Variants in DPM1 observed in about 807,000 individuals in gnomAD.
DPM1 encodes the protein dolichol-phosphate mannosyltransferase subunit 1.
A neutral mutation model predicts 39.0 loss-of-function variants in DPM1; 27 were observed. The observed-to-expected ratio is 0.69, with a 90% CI of 0.51 to 0.95. The LOEUF (loss-of-function observed/expected upper bound fraction) is 0.95. DPM1 is among the 40% of genes least tolerant of loss of function. The probability of loss-of-function intolerance (pLI) is 0.00; values close to 1 mark genes in which losing one functional copy is unlikely to be tolerated. For missense variants in DPM1, 307 were observed against 315.6 expected (o/e 0.97, Z 0.21); for synonymous variants, 124 against 109.0 (o/e 1.14, Z -0.86).
chr20:50,946,541 C>T (rs1351000737), intron 3 of DPM1, among the ~76,000 whole-genome samples: 2 of 152,202 alleles, frequency 1.3e-5, no homozygotes, highest in Admixed American at 6.5e-5. Context: ...ATTTCAATTC[C>T]CTTTTTCTTG....
At chr20:50,944,621 T>C (rs998135909) in intron 5 of DPM1, 8 of 152,234 alleles carry the variant, frequency 5.3e-5, no homozygotes, top group African/African-American at 1.9e-4. Flanking sequence ...CTTGGATTTT[T>C]CCCTAGATGT....
intron 5 of DPM1, among the ~76,000 whole-genome samples, chr20:50,943,679 G>A (rs1986061288): frequency 6.7e-6 from 1 of 148,732 alleles, no homozygotes; most frequent in African/African-American, 2.5e-5. Context: ...TTTTATAAAT[G>A]TATTACTGCT....
At chr20:50,956,429 C>A (rs867286531) in intron 1 of DPM1, among the ~76,000 whole-genome samples, 19 of 151,924 alleles carry the variant, frequency 1.3e-4, no homozygotes, top group Middle Eastern at 3.4e-3. Flanking sequence ...CAGTGAAACC[C>A]CGTCTCTACT....
chr20:50,940,486 G>C (rs193256079), intron 7 of DPM1, among the ~76,000 whole-genome samples: 314 of 152,308 alleles, frequency 2.1e-3, no homozygotes, highest in Non-Finnish European at 2.1e-3. Context: ...GTAACTGAGA[G>C]AGCTCTATAT....
chr20:50,955,045 G>C lies in DPM1; in HGVS notation c.261+141C>G, dbSNP rs1352961312. Reference sequence around the variant, plus strand: ...GTAAAATTTTACGGACAACAAAAATGCATTTAAATCCCAAATGCGTAAGTT... The same window carrying C: ...GTAAAATTTTACGGACAACAAAAATCCATTTAAATCCCAAATGCGTAAGTT... On this transcript the variant is annotated intron_variant, in intron 2 of 8. Coordinates refer to ENST00000371588, the MANE Select transcript of DPM1 (RefSeq NM_003859.3). 16 of 706,718 alleles carry C rather than the reference G, an allele frequency of 2.3e-5. No homozygotes were observed. The Admixed American group carries it at 4.1e-4, about 18-fold the overall frequency. 43.8% of individuals were successfully genotyped at this position (706,718 alleles called of 1,614,324 possible).
chr20:50,953,614 C>CT (rs890848496), intron 2 of DPM1, among the ~76,000 whole-genome samples: 1 of 152,046 alleles, frequency 6.6e-6, no homozygotes, highest in African/African-American at 2.4e-5. Flanking sequence ...GTGAATGCAA[C>CT]TTTTTTTCTC....
intron 1 of DPM1, among the ~76,000 whole-genome samples, chr20:50,957,540 A>C (rs1986892911): frequency 6.6e-6 from 1 of 152,230 alleles, no homozygotes. Flanking sequence ...TCATCGACAA[A>C]GCAAAAGCCA....
chr20:50,940,766 T>A lies in DPM1; in HGVS notation c.563+99A>T. The A allele has an allele frequency of 2.8e-6, 3 of 1,057,324 alleles. No individual in the cohort carries two copies. In the Admixed American group the frequency reaches 5.6e-5, roughly 20 times the overall value. The allele number at this position is 1,057,324 out of a possible 1,614,324, so 65.5% of individuals were successfully genotyped here. On this transcript the variant is annotated intron_variant, in intron 7 of 8. Transcript: ENST00000371588. Reference sequence around the variant, plus strand: ...AGTCTGCCTTTTTAGTATCCCAGAATAAAAACAAGGTAGAAATGTAAAGTG... The same window carrying A: ...AGTCTGCCTTTTTAGTATCCCAGAAAAAAAACAAGGTAGAAATGTAAAGTG...
At chr20:50,943,740 ATTTT>A (rs141377879) in intron 5 of DPM1, among the ~76,000 whole-genome samples, 2 of 125,872 alleles carry the variant, frequency 1.6e-5, no homozygotes, top group Admixed American at 8.1e-5. Context: ...AAGCCTGAGT[ATTTT>A]TTTTTTTTTT....
chr20:50,937,818 GTTATTATTATTA>G (rs145740815), intron 7 of DPM1, among the ~76,000 whole-genome samples: 2 of 151,714 alleles, frequency 1.3e-5, no homozygotes, highest in African/African-American at 4.8e-5. Context: ...AACTTTTAAA[GTTATTATTATTA>G]TTATTATTTT....
intron 3 of DPM1, among the ~76,000 whole-genome samples, chr20:50,946,791 G>C (rs1404715848): frequency 6.6e-6 from 1 of 152,234 alleles, no homozygotes; most frequent in Admixed American, 6.5e-5. Context: ...GTGAATATCG[G>C]CTGGGTGTGG....
At chr20:50,947,192 G>C (rs1354363797) in intron 3 of DPM1, among the ~76,000 whole-genome samples, 1 of 151,664 alleles carries the variant, frequency 6.6e-6, no homozygotes, top group South Asian at 2.1e-4. Flanking sequence ...TGGGCAAGAA[G>C]AGCGAAACTC....
chr20:50,955,714 C>T (rs1243944910), intron 1 of DPM1, among the ~76,000 whole-genome samples: 1 of 152,202 alleles, frequency 6.6e-6, no homozygotes, highest in Admixed American at 6.5e-5. Context: ...CAGGCGCCCA[C>T]CACCACGCCC....
At chr20:50,947,783 GA>G (rs1390890438) in intron 3 of DPM1, among the ~76,000 whole-genome samples, 2 of 151,966 alleles carry the variant, frequency 1.3e-5, no homozygotes, top group African/African-American at 4.8e-5. Flanking sequence ...TGCGCGTCAC[GA>G]CGCCCAGCTA....
chr20:50,945,284 T>TTGTG (rs11474633), intron 5 of DPM1: 23,453 of 156,652 alleles, frequency 0.15, 2,078 homozygotes, highest in Non-Finnish European at 0.21. Flanking sequence ...CAAATGTGTG[T>TTGTG]TGTGTGTGTG....
At position 50,951,788 on chromosome 20, in the gene DPM1, CA is replaced by C. The variant is rs756735202; in HGVS notation, c.262-3127del. ...GGGCGACAGAGCGAGACTCCAATCT[CA>C]AAAAAAAAATAAATAAATAAATAAA... is the stretch of plus-strand genomic sequence containing the variant. On this transcript the variant is annotated intron_variant, in intron 2 of 8. Transcript: ENST00000371588. Among the ~76,000 whole-genome samples, 13 of 145,832 alleles carry C rather than the reference CA, an allele frequency of 8.9e-5. No individual in the cohort carries two copies. In the Middle Eastern group the frequency reaches 0.01, roughly 118 times the overall value.
chr20:50,941,167 G>A (rs1173102959), intron 6 of DPM1: 3 of 493,656 alleles, frequency 6.1e-6, no homozygotes, highest in Non-Finnish European at 1.1e-5. Context: ...GATCACTTGA[G>A]CCCAGGAGTG....
intron 2 of DPM1, among the ~76,000 whole-genome samples, chr20:50,951,788 CAAAA>C (rs756735202): frequency 6.9e-6 from 1 of 145,778 alleles, no homozygotes; most frequent in African/African-American, 2.6e-5. Context: ...ACTCCAATCT[CAAAA>C]AAAAAATAAA....
intron 3 of DPM1, 105 bp from the exon 4 acceptor site, chr20:50,946,028 T>C: frequency 1.0e-6 from 1 of 954,336 alleles, no homozygotes; most frequent in Non-Finnish European, 1.7e-6. Context: ...ACATTAGTTC[T>C]CTAAAAGTCA....
Sources: gnomAD v4.1 joint callset for allele counts (sites outside exome capture counted in the v4.1 genomes callset) on GRCh38, gnomAD v4.1.1 for gene constraint, MANE v1.5 for transcripts, NCBI Gene and HGNC (gene_info 2026-07-23, HGNC 2026-07-21) for gene names.